DPY30: variants seen among roughly 807,000 people sequenced by gnomAD.
The protein encoded by DPY30 is dpy-30 histone methyltransferase complex regulatory subunit, also known as protein dpy-30 homolog.
Under a neutral mutation model 16.2 loss-of-function variants are expected in DPY30, and 6 were observed. The ratio of observed to expected loss-of-function variants is 0.37; its 90% confidence interval spans 0.20 to 0.73. The LOEUF is 0.73. DPY30 is among the 30% of genes least tolerant of loss of function. DPY30 has a pLI of 0.51. For missense variants in DPY30, 73 were observed against 113.1 expected (o/e 0.65, Z 1.61); for synonymous variants, 39 against 38.8 (o/e 1.00, Z -0.02).
intron 3 of DPY30, among the ~76,000 whole-genome samples, chr2:32,037,914 G>A (rs1246577189): frequency 1.3e-5 from 2 of 151,814 alleles, no homozygotes; most frequent in African/African-American, 4.8e-5. Flanking sequence ...GAGAGTAACA[G>A]CATTTCTAAG....
rs547643827 is a variant in DPY30 at position 32,017,666 on chromosome 2, A to T, written n.378-5614T>A. On this transcript the variant is annotated intron_variant and non_coding_transcript_variant, in intron 5 of 5. Transcript: ENST00000414013. The stretch of plus-strand genomic sequence containing the variant: ...ACTCTCACATTATGGCACTCTTTCT[A>T]TATTTGTGTGTATGCCCAACAAGGA... Among the ~76,000 whole-genome samples, 773 of 152,132 alleles carry T rather than the reference A, an allele frequency of 5.1e-3. 5 individuals carry two copies. The highest frequency in any genetic ancestry group is 8.6e-3 in the Admixed American group (131 of 15,262).
intron 3 of DPY30, among the ~76,000 whole-genome samples, chr2:32,037,561 C>CT (rs113001007): frequency 1.3e-3 from 191 of 144,222 alleles, no homozygotes; most frequent in Middle Eastern, 7.2e-3. Context: ...GCCCAGACAA[C>CT]TTTTTTTTTT....
intron 3 of DPY30, among the ~76,000 whole-genome samples, chr2:32,038,920 T>C (rs1675857913): frequency 1.3e-5 from 2 of 152,246 alleles, no homozygotes; most frequent in Non-Finnish European, 2.9e-5. Flanking sequence ...AGTGCTGGGA[T>C]GATAGGCGTG....
Position 32,024,131 on chromosome 2 carries a change from T to C in DPY30, c.*53A>G. 4 of 1,585,908 alleles carry C rather than the reference T, an allele frequency of 2.5e-6. No homozygotes were observed. The East Asian group carries it at 9.1e-5, about 36-fold the overall frequency. Reference sequence around the variant, plus strand: ...TGATCATGGCAATTAAAGCTGCCTCTTAATCATGTAAATCTACAGTAGCAA... The same window carrying C: ...TGATCATGGCAATTAAAGCTGCCTCCTAATCATGTAAATCTACAGTAGCAA... On this transcript the variant is annotated 3_prime_UTR_variant, in exon 5 of 5. Coordinates refer to ENST00000342166, the MANE Select transcript of DPY30 (RefSeq NM_001321209.2).
At chr2:32,028,133 C>T (rs1675402914) in intron 4 of DPY30, among the ~76,000 whole-genome samples, 1 of 136,916 alleles carries the variant, frequency 7.3e-6, no homozygotes, top group Non-Finnish European at 1.6e-5. Context: ...TTTTTTGAGG[C>T]AGGGTCTCAC....
chr2:32,029,518 A>T, intron 4 of DPY30, 76 bp downstream of exon 4: 1 of 1,556,154 alleles, frequency 6.4e-7, no homozygotes, highest in South Asian at 1.2e-5. Flanking sequence ...GTCGCTATAC[A>T]TAACTATGAT....
chr2:32,031,546 G>A lies in DPY30; in HGVS notation c.85-1810C>T, dbSNP rs143301796. Among the ~76,000 whole-genome samples the A allele has an allele frequency of 9.7e-3, 1,479 of 152,008 alleles. 26 individuals carry two copies. Among genetic ancestry groups the A allele is most frequent in the South Asian group, 0.048 (232 of 4,816 alleles). On this transcript the variant is annotated intron_variant, in intron 3 of 4. Transcript: ENST00000342166. Reference sequence around the variant, plus strand: ...TGGGAGGCAGTGGTTGCAGTGAGCTGAGGTCATGCCACTGCACTCCAGCCT... The same window carrying A: ...TGGGAGGCAGTGGTTGCAGTGAGCTAAGGTCATGCCACTGCACTCCAGCCT...
intron 5 of DPY30, among the ~76,000 whole-genome samples, chr2:32,016,040 A>G (rs958485289): frequency 3.3e-5 from 5 of 151,958 alleles, no homozygotes; most frequent in Non-Finnish European, 7.4e-5. Flanking sequence ...CTGGGATTAC[A>G]GGCACACACC....
intron 3 of DPY30, among the ~76,000 whole-genome samples, chr2:32,039,033 C>T (rs1675863836): frequency 6.6e-6 from 1 of 152,182 alleles, no homozygotes; most frequent in Non-Finnish European, 1.5e-5. Flanking sequence ...ATGATTCAGA[C>T]AGTATCCCTC....
intron 3 of DPY30, among the ~76,000 whole-genome samples, chr2:32,032,531 G>T (rs1434987648): frequency 1.3e-5 from 2 of 152,130 alleles, no homozygotes; most frequent in African/African-American, 4.8e-5. Context: ...CCTAAAAACA[G>T]TCCTAACTTC....
chr2:32,033,586 C>T (rs1675625868), intron 3 of DPY30, among the ~76,000 whole-genome samples: 1 of 150,968 alleles, frequency 6.6e-6, no homozygotes, highest in East Asian at 2.0e-4. Flanking sequence ...GCAGGAGAAT[C>T]ACTTGAACCT....
chr2:32,034,265 G>A (rs1345946787), intron 3 of DPY30, among the ~76,000 whole-genome samples: 1 of 152,140 alleles, frequency 6.6e-6, no homozygotes, highest in African/African-American at 2.4e-5. Context: ...CTGAGGGTGG[G>A]TAATTTATAA....
chr2:32,021,571 G>C (rs1014724854), downstream of DPY30, among the ~76,000 whole-genome samples: 2 of 150,928 alleles, frequency 1.3e-5, no homozygotes, highest in African/African-American at 4.9e-5. Flanking sequence ...CCAGCTACTG[G>C]GGGGTGCTGA....
chr2:32,034,405 C>G (rs1445178720), intron 3 of DPY30, among the ~76,000 whole-genome samples: 1 of 152,120 alleles, frequency 6.6e-6, no homozygotes, highest in African/African-American at 2.4e-5. Context: ...TGTCACATAA[C>G]AAGAGAGGGA....
Position 32,039,396 on chromosome 2 carries a change from C to A in DPY30, c.36+25G>T, listed in dbSNP as rs763916445. The A allele has an allele frequency of 1.9e-6, 3 of 1,614,164 alleles. No individual in the cohort carries two copies. The South Asian group carries it at 3.3e-5, about 18-fold the overall frequency. On this transcript the variant is annotated intron_variant, in intron 2 of 4. Coordinates refer to ENST00000342166, the MANE Select transcript of DPY30 (RefSeq NM_001321209.2). Reference sequence around the variant, plus strand: ...CTCGCTGCCTCCCTGCACACCGCCACCCTGAATCCACGGCCTCCTGATACC... The same window carrying A: ...CTCGCTGCCTCCCTGCACACCGCCAACCTGAATCCACGGCCTCCTGATACC...
intron 5 of DPY30, among the ~76,000 whole-genome samples, chr2:32,014,178 G>A (rs890197089): frequency 1.3e-4 from 20 of 151,200 alleles, no homozygotes; most frequent in Non-Finnish European, 2.5e-4. Context: ...ATATACATAC[G>A]CACCCATTAA....
chr2:32,019,833 A>ATAT (rs757854327), downstream of DPY30, among the ~76,000 whole-genome samples: 3 of 136,708 alleles, frequency 2.2e-5, no homozygotes, highest in African/African-American at 5.6e-5. Flanking sequence ...AAAAAAAAAA[A>ATAT]AAATATATAT....
downstream of DPY30, among the ~76,000 whole-genome samples, chr2:32,022,812 G>A (rs150181751): frequency 7.6e-4 from 116 of 151,642 alleles, no homozygotes; most frequent in African/African-American, 2.6e-3. Context: ...CACCGCACCC[G>A]GCCAATCACA....
At chr2:32,031,519 C>T (rs1315657984) in intron 3 of DPY30, among the ~76,000 whole-genome samples, 2 of 152,100 alleles carry the variant, frequency 1.3e-5, no homozygotes, top group African/African-American at 4.8e-5. Context: ...ATCACTTGTA[C>T]CTGGGAGGCA....
Sources: gnomAD v4.1 joint callset for allele counts (sites outside exome capture counted in the v4.1 genomes callset) on GRCh38, gnomAD v4.1.1 for gene constraint, MANE v1.5 for transcripts, NCBI Gene and HGNC (gene_info 2026-07-23, HGNC 2026-07-21) for gene names.